The following DTNBP1 variants were observed in gnomAD, a reference collection of about 807,000 sequenced individuals.
DTNBP1 encodes the protein dysbindin.
Under a neutral mutation model 42.8 loss-of-function variants are expected in DTNBP1, and 35 were observed. That is an observed-to-expected ratio of 0.82 (90% CI 0.63 to 1.09). DTNBP1 has a LOEUF of 1.09. Ranked by LOEUF, DTNBP1 falls within the 50% of genes least tolerant of loss-of-function variation. DTNBP1 has a pLI of 0.00. For missense variants in DTNBP1, 457 were observed against 424.2 expected (o/e 1.08, Z -0.68); for synonymous variants, 171 against 162.2 (o/e 1.05, Z -0.41).
chr6:15,532,162 G>A (rs1359864836), intron 8 of DTNBP1, among the ~76,000 whole-genome samples: 2 of 152,222 alleles, frequency 1.3e-5, no homozygotes, highest in African/African-American at 4.8e-5. Flanking sequence ...AGGTTTGGAC[G>A]GGTCTCCCCG....
At chr6:15,530,914 G>A (rs1581700795) in intron 8 of DTNBP1, among the ~76,000 whole-genome samples, 1 of 152,128 alleles carries the variant, frequency 6.6e-6, no homozygotes, top group East Asian at 1.9e-4. Context: ...TGGACTGAAT[G>A]TGTCCCCATA....
At chr6:15,554,558 A>T (rs1450542855) in intron 7 of DTNBP1, among the ~76,000 whole-genome samples, 2 of 152,176 alleles carry the variant, frequency 1.3e-5, no homozygotes, top group Non-Finnish European at 2.9e-5. Context: ...CCTGACAAGC[A>T]GGGAAGCACA....
At chr6:15,638,316 T>C (rs1760145145) in intron 3 of DTNBP1, among the ~76,000 whole-genome samples, 1 of 152,132 alleles carries the variant, frequency 6.6e-6, no homozygotes, top group East Asian at 1.9e-4. Context: ...TTAGTAGAGA[T>C]GGGGTTTCAC....
chr6:15,660,407 T>C (rs1397707461), intron 1 of DTNBP1: 2 of 1,289,814 alleles, frequency 1.6e-6, no homozygotes, highest in East Asian at 5.5e-5. Context: ...CATCAGGCAC[T>C]AGAGGTCCGG....
intron 1 of DTNBP1, among the ~76,000 whole-genome samples, chr6:15,656,109 A>C (rs950880572): frequency 6.6e-6 from 1 of 152,272 alleles, no homozygotes; most frequent in Admixed American, 6.5e-5. Flanking sequence ...AGCTAATTTC[A>C]AATGAAAGTT....
intron 7 of DTNBP1, among the ~76,000 whole-genome samples, chr6:15,548,634 A>G (rs1454589644): frequency 1.3e-5 from 2 of 152,234 alleles, no homozygotes; most frequent in African/African-American, 4.8e-5. Flanking sequence ...TTTTCTCAGT[A>G]AGACAATTCT....
At chr6:15,627,910 A>G (rs1759447227) in intron 4 of DTNBP1, among the ~76,000 whole-genome samples, 1 of 152,182 alleles carries the variant, frequency 6.6e-6, no homozygotes, top group Non-Finnish European at 1.5e-5. Flanking sequence ...AAAGTTCCCT[A>G]ATACATTTAG....
At chr6:15,532,254 CT>C (rs1398959082) in intron 8 of DTNBP1, among the ~76,000 whole-genome samples, 1 of 152,238 alleles carries the variant, frequency 6.6e-6, no homozygotes, top group Non-Finnish European at 1.5e-5. Flanking sequence ...CTGCCCACCC[CT>C]GCTGCACCTC....
At chr6:15,612,466 C>T (rs1410386357) in intron 6 of DTNBP1, among the ~76,000 whole-genome samples, 1 of 152,182 alleles carries the variant, frequency 6.6e-6, no homozygotes, top group Non-Finnish European at 1.5e-5. Flanking sequence ...CACATTTCAA[C>T]ATATCTTGAT....
intron 6 of DTNBP1, among the ~76,000 whole-genome samples, chr6:15,608,925 A>G (rs1758231642): frequency 6.6e-6 from 1 of 152,186 alleles, no homozygotes; most frequent in African/African-American, 2.4e-5. Context: ...TTTGTCGGGC[A>G]CTTCATGGGC....
At chr6:15,657,777 T>C (rs1459053965) in intron 1 of DTNBP1, among the ~76,000 whole-genome samples, 2 of 152,188 alleles carry the variant, frequency 1.3e-5, no homozygotes, top group East Asian at 1.9e-4. Flanking sequence ...CAATAAATAT[T>C]TGACAAATTA....
At chr6:15,549,354 G>A (rs1188734784) in intron 7 of DTNBP1, among the ~76,000 whole-genome samples, 4 of 151,754 alleles carry the variant, frequency 2.6e-5, no homozygotes, top group African/African-American at 7.3e-5. Context: ...GCGTGGTGGC[G>A]GGTGCCTGTA....
At chr6:15,593,553 G>T (rs141477188) in intron 6 of DTNBP1, among the ~76,000 whole-genome samples, 3 of 152,184 alleles carry the variant, frequency 2.0e-5, no homozygotes, top group Non-Finnish European at 2.9e-5. Context: ...AGAAAAGGGG[G>T]AAAGTGCATA....
chr6:15,591,923 C>T (rs1015929282), intron 7 of DTNBP1, among the ~76,000 whole-genome samples: 1 of 151,714 alleles, frequency 6.6e-6, no homozygotes, highest in African/African-American at 2.4e-5. Context: ...AGAATGTATA[C>T]AAGTAGTGGT....
intron 7 of DTNBP1, among the ~76,000 whole-genome samples, chr6:15,579,111 C>T (rs886866638): frequency 6.6e-5 from 10 of 152,148 alleles, no homozygotes; most frequent in African/African-American, 1.9e-4. Context: ...TTTCTTGCAG[C>T]ACTATTTACA....
At chr6:15,523,517 C>T (rs912354184) in intron 9 of DTNBP1, 1 of 1,277,794 alleles carries the variant, frequency 7.8e-7, no homozygotes, top group Non-Finnish European at 1.0e-6. Context: ...GCAAGTGCTG[C>T]CTATCTTTGA....
intron 3 of DTNBP1, among the ~76,000 whole-genome samples, chr6:15,643,696 T>C (rs1272188764): frequency 1.3e-5 from 2 of 151,992 alleles, no homozygotes; most frequent in Admixed American, 1.3e-4. Flanking sequence ...CTAAGCTTCA[T>C]AAACAAAGAA....
At chr6:15,589,169 G>A (rs1228702408) in intron 7 of DTNBP1, among the ~76,000 whole-genome samples, 1 of 152,220 alleles carries the variant, frequency 6.6e-6, no homozygotes, top group Admixed American at 6.5e-5. Flanking sequence ...GGGCTGCCAA[G>A]CCAGTAATAT....
At chr6:15,651,236 A>G in intron 3 of DTNBP1, 77 bp downstream of exon 3, 1 of 1,367,442 alleles carries the variant, frequency 7.3e-7, no homozygotes, top group Non-Finnish European at 1.0e-6. Context: ...AAGGCTTTTA[A>G]CCTACAAAAT....
Sources: gnomAD v4.1 joint callset for allele counts (sites outside exome capture counted in the v4.1 genomes callset) on GRCh38, gnomAD v4.1.1 for gene constraint, MANE v1.5 for transcripts, NCBI Gene and HGNC (gene_info 2026-07-23, HGNC 2026-07-21) for gene names.